The following ZHX3 variants were observed in gnomAD, a reference collection of about 807,000 sequenced individuals.
ZHX3 encodes zinc fingers and homeoboxes 3, also known as zinc fingers and homeoboxes protein 3.
A neutral mutation model predicts 64.5 loss-of-function variants in ZHX3; 20 were observed. That is an observed-to-expected ratio of 0.31 (90% CI 0.22 to 0.45). The LOEUF (loss-of-function observed/expected upper bound fraction) is 0.45. Among genes scored for constraint, ZHX3 ranks in the 20% least tolerant of loss-of-function variants. ZHX3 has a pLI of 1.00. For synonymous variants in ZHX3, 423 were observed against 461.6 expected (o/e 0.92, Z 1.07); for missense variants, 1,041 against 1,195.8 (o/e 0.87, Z 1.91).
intron 2 of ZHX3, among the ~76,000 whole-genome samples, chr20:41,242,401 A>G (rs1307453592): frequency 6.6e-6 from 1 of 152,212 alleles, no homozygotes; most frequent in African/African-American, 2.4e-5. Flanking sequence ...GAAAACACAA[A>G]CATCCATTAA....
intron 2 of ZHX3, among the ~76,000 whole-genome samples, chr20:41,253,431 G>T (rs1292688602): frequency 6.6e-6 from 1 of 151,864 alleles, no homozygotes; most frequent in Non-Finnish European, 1.5e-5. Context: ...TCCTACCTTG[G>T]TTTCTTTTTT....
chr20:41,309,811 T>C (rs1253801192), intron 1 of ZHX3, among the ~76,000 whole-genome samples: 1 of 152,230 alleles, frequency 6.6e-6, no homozygotes, highest in Non-Finnish European at 1.5e-5. Flanking sequence ...ACCACACAGA[T>C]GGCTGAAACA....
In ZHX3 at chr20:41,195,697, T is replaced by C. The variant is rs1423492956; in HGVS notation, c.2860+6360A>G. Reference sequence around the variant, plus strand: ...TCCCAAAGTGTGGGGATTACAGGCATAAGCCACTGCGCCCAGCGTAAGTTC... The same window carrying C: ...TCCCAAAGTGTGGGGATTACAGGCACAAGCCACTGCGCCCAGCGTAAGTTC... On this transcript the variant is annotated intron_variant, in intron 3 of 3. Coordinates refer to ENST00000683867, the MANE Select transcript of ZHX3 (RefSeq NM_001384317.1). The surrounding 1 kb of genome is among the most constrained non-coding windows in gnomAD (Gnocchi z 4.2). Among the ~76,000 whole-genome samples, 1 of 152,226 alleles carries C rather than the reference T, an allele frequency of 6.6e-6. No homozygotes were observed. Among genetic ancestry groups the C allele is most frequent in the East Asian group, 1.9e-4 (1 of 5,200 alleles).
chr20:41,189,720 A>G (rs2036841145), intron 3 of ZHX3, among the ~76,000 whole-genome samples: 1 of 152,154 alleles, frequency 6.6e-6, no homozygotes, highest in South Asian at 2.1e-4. Flanking sequence ...TACCAGCTTT[A>G]AGAGTTTTGG....
At chr20:41,298,094 T>C (rs2044628969) in intron 1 of ZHX3, among the ~76,000 whole-genome samples, 2 of 152,120 alleles carry the variant, frequency 1.3e-5, no homozygotes. Flanking sequence ...TTTATTTATA[T>C]TTTAAGAAGA....
At chr20:41,213,508 G>A (rs368710899) in intron 2 of ZHX3, among the ~76,000 whole-genome samples, 1 of 152,162 alleles carries the variant, frequency 6.6e-6, no homozygotes, top group East Asian at 1.9e-4. Flanking sequence ...TTTGCCAGAG[G>A]AGAGGGAAGA....
At chr20:41,207,451 A>T (rs2038810916) in intron 2 of ZHX3, among the ~76,000 whole-genome samples, 1 of 151,930 alleles carries the variant, frequency 6.6e-6, no homozygotes, top group Non-Finnish European at 1.5e-5. Flanking sequence ...GAAGTAAAGC[A>T]CTCCTCAGCA....
chr20:41,309,826 T>C lies in ZHX3; in HGVS notation c.-245+7683A>G, dbSNP rs77319216. 3.9e-3 allele frequency among the ~76,000 whole-genome samples: 590 copies of C among 152,314 alleles called. 7 individuals carry two copies. Among genetic ancestry groups the C allele is most frequent in the East Asian group, 0.02 (106 of 5,190 alleles). On this transcript the variant is annotated intron_variant, in intron 1 of 3. Transcript: ENST00000683867. Reference sequence around the variant, plus strand: ...ACCACACAGATGGCTGAAACAACTCTCCAGCCTCTCAGTTACTTGACCTCC... The same window carrying C: ...ACCACACAGATGGCTGAAACAACTCCCCAGCCTCTCAGTTACTTGACCTCC...
At chr20:41,244,971 G>A (rs1267961357) in intron 2 of ZHX3, among the ~76,000 whole-genome samples, 1 of 152,180 alleles carries the variant, frequency 6.6e-6, no homozygotes, top group East Asian at 1.9e-4. Flanking sequence ...GTAGAGATGA[G>A]AGAATTCTGA....
chr20:41,271,091 G>A lies in ZHX3; in HGVS notation c.-244-2008C>T, dbSNP rs1050776989. ...GCTGGAGTGCAGCGGCACTATCTCG[G>A]CTCACTGCAACCTCCGCCTCCCAAG... On this transcript the variant is annotated intron_variant, in intron 1 of 3. Transcript: ENST00000683867. Among the ~76,000 whole-genome samples, 4 of 152,266 alleles carry A rather than the reference G, an allele frequency of 2.6e-5. No homozygotes were observed. The East Asian group carries it at 7.7e-4, about 29-fold the overall frequency.
intron 2 of ZHX3, among the ~76,000 whole-genome samples, chr20:41,268,750 GATCAAAGAA>G (rs2042985089): frequency 6.6e-6 from 1 of 152,098 alleles, no homozygotes; most frequent in African/African-American, 2.4e-5. Context: ...CCTATCAGAT[GATCAAAGAA>G]ATCATCGAAG....
At chr20:41,252,552 G>C (rs1347289919) in intron 2 of ZHX3, among the ~76,000 whole-genome samples, 1 of 152,184 alleles carries the variant, frequency 6.6e-6, no homozygotes, top group Non-Finnish European at 1.5e-5. Context: ...TGCCAAGTAA[G>C]TCTAACTGTA....
chr20:41,297,935 G>A (rs2044618773), intron 1 of ZHX3, among the ~76,000 whole-genome samples: 1 of 152,168 alleles, frequency 6.6e-6, no homozygotes, highest in Admixed American at 6.5e-5. Flanking sequence ...GTCATCCTAA[G>A]ACTGAAGAAC....
chr20:41,304,729 A>C (rs2044924178), intron 1 of ZHX3, among the ~76,000 whole-genome samples: 3 of 152,232 alleles, frequency 2.0e-5, no homozygotes, highest in Non-Finnish European at 4.4e-5. Flanking sequence ...TTGCTGTTGC[A>C]GTTTTGAACT....
chr20:41,198,497 T>C (rs1049760462), intron 3 of ZHX3, among the ~76,000 whole-genome samples: 1 of 151,882 alleles, frequency 6.6e-6, no homozygotes, highest in African/African-American at 2.4e-5. Context: ...TTTTTTTTTC[T>C]TTTTTTCACG....
At chr20:41,206,565 T>G (rs558831963) in intron 2 of ZHX3, among the ~76,000 whole-genome samples, 1 of 151,954 alleles carries the variant, frequency 6.6e-6, no homozygotes. Flanking sequence ...TGATTGAAGA[T>G]CAAATTAATG....
rs17181468 is a variant in ZHX3 at position 41,289,677 on chromosome 20, A to G, written c.-244-20594T>C. On this transcript the variant is annotated intron_variant, in intron 1 of 3. Coordinates refer to ENST00000683867, the MANE Select transcript of ZHX3 (RefSeq NM_001384317.1). ...TCCATTTCCTTTCAGCAGCTTTAAC[A>G]ATGTTATTTAAGACTGTCACTTTTT... 9.2e-3 allele frequency among the ~76,000 whole-genome samples: 1,393 copies of G among 152,022 alleles called. 14 individuals are homozygous for G. Among genetic ancestry groups the G allele is most frequent in the South Asian group, 0.044 (210 of 4,790 alleles).
At chr20:41,229,149 A>T (rs912241416) in intron 2 of ZHX3, among the ~76,000 whole-genome samples, 1 of 152,196 alleles carries the variant, frequency 6.6e-6, no homozygotes, top group African/African-American at 2.4e-5. Flanking sequence ...GGTATTTTAC[A>T]TAAGTGGACT....
intron 2 of ZHX3, among the ~76,000 whole-genome samples, chr20:41,244,527 TA>T (rs2041577888): frequency 6.6e-6 from 1 of 151,956 alleles, no homozygotes; most frequent in South Asian, 2.1e-4. Flanking sequence ...AACACATATT[TA>T]AAAAAAGACA....
Sources: gnomAD v4.1 joint callset for allele counts (sites outside exome capture counted in the v4.1 genomes callset) on GRCh38, gnomAD v4.1.1 for gene constraint, Gnocchi (gnomAD v3.1) non-coding constraint, MANE v1.5 for transcripts, NCBI Gene and HGNC (gene_info 2026-07-23, HGNC 2026-07-21) for gene names.